Variants in PRKCE observed in about 807,000 individuals in gnomAD.
PRKCE encodes protein kinase C epsilon, also known as protein kinase C epsilon type.
PRKCE carries 16 observed loss-of-function variants against 85.4 expected under a neutral mutation model. That is an observed-to-expected ratio of 0.19 (90% CI 0.13 to 0.28). The LOEUF (loss-of-function observed/expected upper bound fraction) is 0.28. Among genes scored for constraint, PRKCE ranks in the 10% least tolerant of loss-of-function variants. The probability of loss-of-function intolerance (pLI) is 1.00; values close to 1 mark genes in which losing one functional copy is unlikely to be tolerated. For missense variants in PRKCE, 573 were observed against 975.2 expected, an observed-to-expected ratio of 0.59 and a Z score of 5.49; for synonymous variants, 388 against 371.5, an observed-to-expected ratio of 1.04 and a Z score of -0.51.
chr2:46,009,635 T>A (rs1265141679), intron 9 of PRKCE, among the ~76,000 whole-genome samples: 4 of 152,226 alleles, frequency 2.6e-5, no homozygotes, highest in Non-Finnish European at 5.9e-5. Flanking sequence ...CCCTTTAATC[T>A]ACTTATGAGG....
upstream of PRKCE, chr2:45,651,483 A>C (rs1370156637): frequency 6.6e-6 from 1 of 151,876 alleles, no homozygotes; most frequent in Non-Finnish European, 1.5e-5. Flanking sequence ...GATTTTTAAA[A>C]ATTTGGCTCC....
chr2:45,966,984 A>G (rs756095379), intron 2 of PRKCE, among the ~76,000 whole-genome samples: 1 of 152,210 alleles, frequency 6.6e-6, no homozygotes, highest in Non-Finnish European at 1.5e-5. Flanking sequence ...TTTGGTGGAT[A>G]CAGCCTGTTT....
At chr2:46,033,300 G>A (rs1483699842) in intron 10 of PRKCE, among the ~76,000 whole-genome samples, 1 of 152,192 alleles carries the variant, frequency 6.6e-6, no homozygotes, top group Non-Finnish European at 1.5e-5. Flanking sequence ...GGGCGTGGTG[G>A]TGGGAAGTCC....
chr2:45,943,687 G>A (rs377724011), intron 2 of PRKCE, among the ~76,000 whole-genome samples: 4 of 152,042 alleles, frequency 2.6e-5, no homozygotes, highest in Non-Finnish European at 4.4e-5. Flanking sequence ...CTCACCAGAC[G>A]CCAGGATATA....
At chr2:45,816,934 C>T (rs986344156) in intron 1 of PRKCE, among the ~76,000 whole-genome samples, 3 of 152,188 alleles carry the variant, frequency 2.0e-5, no homozygotes, top group African/African-American at 7.2e-5. Flanking sequence ...TGATTAAAAA[C>T]ATGTTTTCTA....
At chr2:45,677,473 C>CA (rs1339874455) in intron 1 of PRKCE, among the ~76,000 whole-genome samples, 2 of 152,024 alleles carry the variant, frequency 1.3e-5, no homozygotes, top group African/African-American at 4.8e-5. Flanking sequence ...TCTCCTGCCT[C>CA]AGCCTCCCGA....
At chr2:45,838,188 G>A (rs1040088597) in intron 1 of PRKCE, among the ~76,000 whole-genome samples, 1 of 152,170 alleles carries the variant, frequency 6.6e-6, no homozygotes, top group African/African-American at 2.4e-5. Flanking sequence ...CACCTGAAAA[G>A]GGGAATGAGC....
chr2:45,770,784 T>G (rs936368125), intron 1 of PRKCE: 1 of 151,928 alleles, frequency 6.6e-6, no homozygotes, highest in African/African-American at 2.4e-5. Flanking sequence ...TTCCTAAAAA[T>G]CCAGGCTGCT....
chr2:45,809,699 C>T (rs1688513221), intron 1 of PRKCE, among the ~76,000 whole-genome samples: 1 of 149,948 alleles, frequency 6.7e-6, no homozygotes, highest in African/African-American at 2.5e-5. Flanking sequence ...GCCTGGCCAA[C>T]ATGGTGAAAC....
chr2:45,784,414 T>C (rs1686434368), intron 1 of PRKCE, among the ~76,000 whole-genome samples: 1 of 152,182 alleles, frequency 6.6e-6, no homozygotes, highest in South Asian at 2.1e-4. Flanking sequence ...TTGGAGAGCT[T>C]AAAAGATAAT....
At chr2:45,684,611 C>A (rs1156474719) in intron 1 of PRKCE, among the ~76,000 whole-genome samples, 1 of 152,202 alleles carries the variant, frequency 6.6e-6, no homozygotes, top group African/African-American at 2.4e-5. Context: ...CCCCTAGTGG[C>A]ATGTGACCTA....
rs1341042941 is a variant in PRKCE, at chr2:45,895,357, G to C, written c.412+52294G>C. ...AAGGGAGTTTCAGTCGGGGAAGAAA[G>C]TGGGACTTTTTCATTAAAACAAGAC... On this transcript the variant is annotated intron_variant, in intron 2 of 14. Coordinates refer to ENST00000306156, the MANE Select transcript of PRKCE (RefSeq NM_005400.3). This position sits in a 1 kb window ranked among gnomAD's most constrained non-coding sequence, Gnocchi z 4.8. 6.6e-6 allele frequency among the ~76,000 whole-genome samples: 1 copy of C among 152,168 alleles called. No individual in the cohort carries two copies. Among genetic ancestry groups the C allele is most frequent in the Non-Finnish European group, 1.5e-5 (1 of 68,034 alleles).
At chr2:45,988,004 C>T (rs138553817) in intron 6 of PRKCE, among the ~76,000 whole-genome samples, 68 of 152,304 alleles carry the variant, frequency 4.5e-4, no homozygotes, top group African/African-American at 1.5e-3. Flanking sequence ...CAAGCATCCC[C>T]GAGCAAGTCC....
intron 2 of PRKCE, among the ~76,000 whole-genome samples, chr2:45,948,940 A>G (rs1573990362): frequency 6.6e-6 from 1 of 152,328 alleles, no homozygotes; most frequent in South Asian, 2.1e-4. Context: ...TGGTTCATTC[A>G]TTTTAATTCT....
intron 11 of PRKCE, among the ~76,000 whole-genome samples, chr2:46,124,879 C>G (rs1673696714): frequency 6.6e-6 from 1 of 152,176 alleles, no homozygotes; most frequent in African/African-American, 2.4e-5. Context: ...CCACTAGCAA[C>G]CTCCACTTAA....
intron 2 of PRKCE, among the ~76,000 whole-genome samples, chr2:45,960,710 A>T (rs1701316165): frequency 1.3e-5 from 2 of 152,164 alleles, no homozygotes; most frequent in South Asian, 4.1e-4. Flanking sequence ...CCTGCTGTAA[A>T]TGGTGCCTAT....
At chr2:46,064,755 C>T (rs1667460985) in intron 10 of PRKCE, among the ~76,000 whole-genome samples, 1 of 152,200 alleles carries the variant, frequency 6.6e-6, no homozygotes, top group African/African-American at 2.4e-5. Context: ...GGCAAAATTA[C>T]AGAAGTTTTT....
chr2:45,789,362 T>C (rs916495097), intron 1 of PRKCE, among the ~76,000 whole-genome samples: 1 of 152,246 alleles, frequency 6.6e-6, no homozygotes, highest in Non-Finnish European at 1.5e-5. Context: ...TTCATGCATT[T>C]ATTGCATGTC....
chr2:46,033,869 C>T (rs1191218306), intron 10 of PRKCE, among the ~76,000 whole-genome samples: 1 of 152,136 alleles, frequency 6.6e-6, no homozygotes. Context: ...GCACTGATGA[C>T]TCAGAGGGGA....
Sources: allele counts gnomAD v4.1 joint callset (sites outside exome capture counted in the v4.1 genomes callset), GRCh38; gene constraint gnomAD v4.1.1; non-coding constraint Gnocchi (gnomAD v3.1); transcripts MANE v1.5; gene names NCBI Gene and HGNC (gene_info 2026-07-23, HGNC 2026-07-21).